The following FRK variants were observed in gnomAD, a reference collection of about 807,000 sequenced individuals.
FRK encodes the protein fyn related Src family tyrosine kinase, also known as tyrosine-protein kinase FRK.
FRK carries 51 observed loss-of-function variants against 56.4 expected under a neutral mutation model. The ratio of observed to expected loss-of-function variants is 0.90; its 90% CI spans 0.72 to 1.14. The LOEUF (loss-of-function observed/expected upper bound fraction) is 1.14, where lower values mean the gene tolerates loss of function less well. Among genes scored for constraint, FRK ranks in the 50% most tolerant of loss-of-function variants. The pLI is 0.00. For synonymous variants in FRK, 245 were observed against 217.9 expected, an observed-to-expected ratio of 1.12 and a Z score of -1.10; for missense variants, 570 against 601.4, an observed-to-expected ratio of 0.95 and a Z score of 0.55.
At chr6:115,983,639 G>A (rs1247652495) in intron 2 of FRK, among the ~76,000 whole-genome samples, 1 of 152,044 alleles carries the variant, frequency 6.6e-6, no homozygotes, top group Non-Finnish European at 1.5e-5. Flanking sequence ...CTGCTATTCT[G>A]AAACCCAGAC....
chr6:116,027,338 A>G (rs1019206425), intron 1 of FRK, among the ~76,000 whole-genome samples: 1 of 152,222 alleles, frequency 6.6e-6, no homozygotes, highest in Admixed American at 6.5e-5. Flanking sequence ...GAAAATACTT[A>G]TAATAGTGAA....
At chr6:116,070,998 T>C in the FRK span, among the ~76,000 whole-genome samples, 1 of 152,174 alleles carries the variant, frequency 6.6e-6, no homozygotes, top group Non-Finnish European at 1.5e-5. Flanking sequence ...ATGTTTTTAT[T>C]GAAAATCTGT....
chr6:116,027,124 T>C (rs1776122850), intron 1 of FRK, among the ~76,000 whole-genome samples: 1 of 152,162 alleles, frequency 6.6e-6, no homozygotes, highest in Admixed American at 6.6e-5. Flanking sequence ...TTGTTACTAA[T>C]TACTTCACAA....
intron 2 of FRK, among the ~76,000 whole-genome samples, chr6:115,996,224 T>C (rs1313886929): frequency 1.3e-5 from 2 of 152,152 alleles, no homozygotes; most frequent in African/African-American, 4.8e-5. Flanking sequence ...TTAATGGTAA[T>C]ACAATTACTG....
intron 2 of FRK, among the ~76,000 whole-genome samples, chr6:115,997,783 G>T (rs1031597127): frequency 6.6e-5 from 10 of 152,154 alleles, no homozygotes; most frequent in Non-Finnish European, 1.5e-5. Context: ...GTGTAGAAAA[G>T]AATCCTGGGA....
chr6:115,968,740 C>T lies in FRK; in HGVS notation c.467-1G>A, dbSNP rs749839098. On this transcript the variant is annotated splice_acceptor_variant, in intron 2 of 7. Coordinates refer to ENST00000606080, the MANE Select transcript of FRK (RefSeq NM_002031.3). LOFTEE classifies it high-confidence loss of function. ...TGTTTTACAACTGCTCCATCTAAAA[C>T]TGGAACCCAAAATAATTCCTGTTAA... 1.9e-6 allele frequency: 3 copies of T among 1,610,426 alleles called. No individual in the cohort carries two copies. Among genetic ancestry groups the T allele is most frequent in the East Asian group, 2.2e-5 (1 of 44,820 alleles).
Position 115,943,262 on chromosome 6 carries a change from C to T in FRK, c.1141-77G>A, listed in dbSNP as rs139523641. 3.2e-4 allele frequency: 323 copies of T among 1,013,252 alleles called. 2 individuals are homozygous for T. In the African/African-American group the frequency reaches 4.7e-3, roughly 15 times the overall value. 62.8% of individuals were successfully genotyped at this position (1,013,252 alleles called of 1,614,324 possible). A position where few individuals can be genotyped will look rare whatever the true frequency, so the allele number is the denominator to read the frequency against. ...GCTAACCTCATTCATCTATAATCTG[C>T]TTCACTTCAAAATTTAGAGAGAAAA... On this transcript the variant is annotated intron_variant, in intron 6 of 7. Transcript: ENST00000606080.
chr6:115,965,173 A>C (rs1773515413), intron 4 of FRK, among the ~76,000 whole-genome samples: 1 of 143,600 alleles, frequency 7.0e-6, no homozygotes, highest in Admixed American at 7.1e-5. Flanking sequence ...TAATATCCAG[A>C]ATCTATAATG....
chr6:116,021,663 C>T (rs1454099060), intron 1 of FRK, among the ~76,000 whole-genome samples: 1 of 152,020 alleles, frequency 6.6e-6, no homozygotes, highest in Non-Finnish European at 1.5e-5. Context: ...TTTAAAATCT[C>T]TTAATAACAA....
At chr6:116,031,635 GCCAATCAGAATTAGAGT>G (rs1297579678) in intron 1 of FRK, among the ~76,000 whole-genome samples, 1 of 152,056 alleles carries the variant, frequency 6.6e-6, no homozygotes, top group Non-Finnish European at 1.5e-5. Flanking sequence ...GTACATCTAA[GCCAATCAGAATTAGAGT>G]CCATGGACTC....
In FRK at chr6:115,933,109, A is replaced by G. The variant is rs1484650458; in HGVS notation, c.*9305T>C. ...AATCTATTCCCTTATTTCCTTCCTT[A>G]CCCTCTTTTTAAAAAAAAAGAAAAA... On this transcript the variant is annotated 3_prime_UTR_variant, in exon 8 of 8. Coordinates refer to ENST00000606080, the MANE Select transcript of FRK (RefSeq NM_002031.3). The G allele has an allele frequency of 2.0e-5, 3 of 151,384 alleles. No individual in the cohort carries two copies. The highest frequency in any genetic ancestry group is 3.9e-4 in the East Asian group (2 of 5,164). 9.4% of individuals were successfully genotyped at this position (151,384 alleles called of 1,614,324 possible).
the FRK span, among the ~76,000 whole-genome samples, chr6:116,100,693 G>A: frequency 1.3e-5 from 2 of 152,158 alleles, no homozygotes; most frequent in East Asian, 1.9e-4. Context: ...AGGAGGACGC[G>A]AGCTGACTAC....
intron 1 of FRK, among the ~76,000 whole-genome samples, chr6:116,035,233 T>C (rs1325266991): frequency 6.6e-6 from 1 of 152,042 alleles, no homozygotes; most frequent in Non-Finnish European, 1.5e-5. Flanking sequence ...TGATTTTGTT[T>C]GCTGCTGCTT....
intron 1 of FRK, among the ~76,000 whole-genome samples, chr6:116,022,516 T>C (rs1168534402): frequency 6.6e-6 from 1 of 152,142 alleles, no homozygotes. Context: ...TCAGTTGTAA[T>C]TGACCATGTT....
At chr6:116,017,173 C>T (rs1293733155) in intron 1 of FRK, among the ~76,000 whole-genome samples, 1 of 152,244 alleles carries the variant, frequency 6.6e-6, no homozygotes. Context: ...CACCTCCCTA[C>T]CTCCCAACAC....
At chr6:116,052,716 G>C (rs978780561) in intron 1 of FRK, among the ~76,000 whole-genome samples, 1 of 152,092 alleles carries the variant, frequency 6.6e-6, no homozygotes. Flanking sequence ...GAGGGTTATA[G>C]GCAGAGAGAA....
intron 1 of FRK, among the ~76,000 whole-genome samples, chr6:116,025,066 C>T (rs573159432): frequency 6.6e-6 from 1 of 152,080 alleles, no homozygotes; most frequent in South Asian, 2.1e-4. Flanking sequence ...AATGTCTTAC[C>T]TTTTTAAAAA....
At chr6:115,945,213 CT>C (rs1772375024) in intron 5 of FRK, among the ~76,000 whole-genome samples, 1 of 151,932 alleles carries the variant, frequency 6.6e-6, no homozygotes, top group African/African-American at 2.4e-5. Flanking sequence ...ATTTATATTC[CT>C]TTGGTTATAT....
intron 1 of FRK, among the ~76,000 whole-genome samples, chr6:116,016,651 C>T (rs1191095936): frequency 6.6e-6 from 1 of 151,972 alleles, no homozygotes; most frequent in Non-Finnish European, 1.5e-5. Flanking sequence ...AAGCAGGTGC[C>T]CCCAGGGAGT....
Sources: allele counts gnomAD v4.1 joint callset (sites outside exome capture counted in the v4.1 genomes callset), GRCh38; gene constraint gnomAD v4.1.1; transcripts MANE v1.5; gene names NCBI Gene and HGNC (gene_info 2026-07-23, HGNC 2026-07-21).